SYNE1: variants seen among roughly 807,000 people sequenced by gnomAD.
The protein encoded by SYNE1 is spectrin repeat containing nuclear envelope protein 1.
A neutral mutation model predicts 1,111.0 loss-of-function variants in SYNE1; 616 were observed. The observed-to-expected ratio is 0.55, with a 90% confidence interval of 0.52 to 0.59. The LOEUF (loss-of-function observed/expected upper bound fraction) is 0.59, where lower values mean the gene tolerates loss of function less well. Among genes scored for constraint, SYNE1 ranks in the 20% least tolerant of loss-of-function variants. SYNE1 has a pLI of 0.00. For synonymous variants in SYNE1, 3,855 were observed against 3,825.8 expected, an observed-to-expected ratio of 1.01 and a Z score of -0.28; for missense variants, 10,006 against 10,417.0, an observed-to-expected ratio of 0.96 and a Z score of 1.72.
rs2153953166 is a variant in SYNE1 at position 152,326,117 on chromosome 6, A to G, written c.15294-15T>C. 6.2e-6 allele frequency: 10 copies of G among 1,614,122 alleles called. No individual in the cohort carries two copies. The highest frequency in any genetic ancestry group is 8.5e-6 in the Non-Finnish European group (10 of 1,180,038). On this transcript the variant is annotated splice_polypyrimidine_tract_variant and intron_variant, in intron 79 of 145. Coordinates refer to ENST00000367255, the MANE Select transcript of SYNE1 (RefSeq NM_182961.4). ...GAGCTGTGCATCTTGAAAGAGTCCAACAGAAACTGATAAGTAGCACGAAAT... is the reference window on the plus strand; with the variant it reads ...GAGCTGTGCATCTTGAAAGAGTCCAGCAGAAACTGATAAGTAGCACGAAAT...
chr6:152,582,588 C>T (rs1276010668), intron 3 of SYNE1, among the ~76,000 whole-genome samples: 1 of 151,174 alleles, frequency 6.6e-6, no homozygotes, highest in East Asian at 1.9e-4. Flanking sequence ...ATATATATAA[C>T]TTTATTTTAT....
intron 138 of SYNE1, among the ~76,000 whole-genome samples, chr6:152,141,957 G>C (rs2058629370): frequency 6.6e-6 from 1 of 152,054 alleles, no homozygotes; most frequent in African/African-American, 2.4e-5. Context: ...TGTAGTCTCA[G>C]CTGTTCAGGG....
intron 3 of SYNE1, among the ~76,000 whole-genome samples, chr6:152,568,858 G>A (rs1326778030): frequency 2.0e-5 from 3 of 152,054 alleles, no homozygotes; most frequent in African/African-American, 7.2e-5. Context: ...TCACAAAATG[G>A]TCTTTAAAAC....
intron 43 of SYNE1, 134 bp from the exon 44 acceptor site, chr6:152,409,360 A>G: frequency 9.6e-7 from 1 of 1,037,476 alleles, no homozygotes. Context: ...AATTAACTAT[A>G]TGAATATATA....
At chr6:152,221,137 G>A (rs1178290606) in intron 118 of SYNE1, 91 bp from the exon 119 acceptor site, 5 of 1,321,702 alleles carry the variant, frequency 3.8e-6, no homozygotes, top group Non-Finnish European at 5.4e-6. Context: ...CCTGGTTCAT[G>A]TGAATATAGA....
At position 152,381,316 on chromosome 6, in the gene SYNE1, A is replaced by G. The variant is rs1314263155; in HGVS notation, c.8699T>C (p.Val2900Ala). The G allele has an allele frequency of 1.2e-6, 2 of 1,613,908 alleles. No individual in the cohort carries two copies. Among genetic ancestry groups the G allele is most frequent in the Non-Finnish European group, 1.7e-6 (2 of 1,180,046 alleles). The change falls in exon 56 of 146, where the codon GTG (valine) becomes GCG (alanine). Residue 2900 changes from valine (V) to alanine (A), a missense_variant. Physicochemically the swap from Val to Ala is moderately conservative, Grantham distance 64. Coordinates refer to ENST00000367255, the MANE Select transcript of SYNE1 (RefSeq NM_182961.4). ...REIGASRLSR[V>A]ESLAPEVKQN... ...TTTCACTTCGGGAGCCAGCGACTCCACTCTGCTGAGACGGCTTGCACCAAT... is the reference window on the plus strand; with the variant it reads ...TTTCACTTCGGGAGCCAGCGACTCCGCTCTGCTGAGACGGCTTGCACCAAT...
At chr6:152,471,173 A>G (rs2098803666) in intron 16 of SYNE1, among the ~76,000 whole-genome samples, 1 of 152,202 alleles carries the variant, frequency 6.6e-6, no homozygotes, top group Non-Finnish European at 1.5e-5. Context: ...AAAAAAATAG[A>G]TAGTTCCCAT....
intron 127 of SYNE1, among the ~76,000 whole-genome samples, chr6:152,189,992 A>C (rs1300682425): frequency 6.6e-6 from 1 of 152,186 alleles, no homozygotes; most frequent in Non-Finnish European, 1.5e-5. Flanking sequence ...TCAAAATTTG[A>C]GTCATCCTCT....
At chr6:152,311,809 T>A (rs1012983247) in intron 87 of SYNE1, among the ~76,000 whole-genome samples, 58 of 151,010 alleles carry the variant, frequency 3.8e-4, no homozygotes, top group Admixed American at 1.2e-3. Flanking sequence ...GGAGTCTCGC[T>A]CTTTCGCCCA....
rs929439001 is a variant in SYNE1, at chr6:152,463,374, C to T, written c.2076G>A (p.Glu692=). The T allele has an allele frequency of 1.2e-6, 2 of 1,613,666 alleles. No homozygotes were observed. The highest frequency in any genetic ancestry group is 2.7e-5 in the African/African-American group (2 of 74,898). The change falls in exon 19 of 146, where the codon GAG becomes GAA. Residue 692 remains glutamate, a synonymous_variant. Transcript: ENST00000367255. Reference sequence around the variant, plus strand: ...ATACTTGCTTGACTTCCATAAACAACTCCCTCCACCGCCCATTTAGCAACA... The same window carrying T: ...ATACTTGCTTGACTTCCATAAACAATTCCCTCCACCGCCCATTTAGCAACA... ...QLLLLNGRWR[E]LFMEVKQYAQ...
chr6:152,463,665 T>C (rs918304231), intron 18 of SYNE1, 148 bp from the exon 19 acceptor site: 4 of 781,546 alleles, frequency 5.1e-6, no homozygotes, highest in Non-Finnish European at 8.6e-6. Context: ...ATGCACATTT[T>C]TGATAAAAAG....
At chr6:152,557,572 G>C (rs2099372387) in intron 3 of SYNE1, among the ~76,000 whole-genome samples, 1 of 152,124 alleles carries the variant, frequency 6.6e-6, no homozygotes, top group Non-Finnish European at 1.5e-5. Flanking sequence ...CTAGAGAAAA[G>C]TGATTTGTTA....
intron 3 of SYNE1, among the ~76,000 whole-genome samples, chr6:152,555,081 C>T (rs1344326548): frequency 6.6e-6 from 1 of 152,040 alleles, no homozygotes; most frequent in Non-Finnish European, 1.5e-5. Flanking sequence ...TTTGAAAAAG[C>T]AACATGATGA....
At chr6:152,326,736 C>T (rs1039835091) in intron 78 of SYNE1, 103 bp from the exon 79 acceptor site, 24 of 1,096,782 alleles carry the variant, frequency 2.2e-5, no homozygotes, top group Middle Eastern at 2.5e-4. Flanking sequence ...GTCTCATGGG[C>T]GTATGTGTGT....
At chr6:152,540,123 G>A (rs2099262403) in intron 3 of SYNE1, 102 bp from the exon 4 acceptor site, 4 of 1,185,606 alleles carry the variant, frequency 3.4e-6, no homozygotes, top group South Asian at 2.5e-5. Context: ...TCGTGAAATC[G>A]TTTTCTCATT....
At chr6:152,602,172 C>T (rs1249549477) in intron 3 of SYNE1, among the ~76,000 whole-genome samples, 2 of 152,106 alleles carry the variant, frequency 1.3e-5, no homozygotes, top group Non-Finnish European at 2.9e-5. Flanking sequence ...CCAAATTCAT[C>T]TGTTGAAGTT....
intron 131 of SYNE1, among the ~76,000 whole-genome samples, chr6:152,159,045 A>C (rs1343090320): frequency 6.6e-6 from 1 of 152,060 alleles, no homozygotes; most frequent in Non-Finnish European, 1.5e-5. Context: ...TCCGCCTCCC[A>C]GGTTCAAGCG....
rs774959321 is a variant in SYNE1, at chr6:152,450,634, T to C, written c.3386A>G (p.Tyr1129Cys). ...LMEDPDKWKD[Y>C]TSRFSEFSSW... is the part of the protein sequence containing the mutation. ...GCCATTCTGAGGCTACCTGCTAGTG[T>C]AGTCCTTCCACTTGTCTGGGTCTTC... is the stretch of plus-strand genomic sequence containing the variant. The change falls in exon 27 of 146, where the codon TAC becomes TGC. Residue 1129 changes from tyrosine to cysteine, a missense_variant. Physicochemically the swap from Tyr to Cys is radical, Grantham distance 194. Coordinates refer to ENST00000367255, the MANE Select transcript of SYNE1 (RefSeq NM_182961.4). 6.2e-7 allele frequency: 1 copy of C among 1,614,154 alleles called. No individual in the cohort carries two copies. Among genetic ancestry groups the C allele is most frequent in the Non-Finnish European group, 8.5e-7 (1 of 1,180,010 alleles).
At chr6:152,123,050 T>G (rs534738425) in intron 145 of SYNE1, among the ~76,000 whole-genome samples, 33 of 152,244 alleles carry the variant, frequency 2.2e-4, no homozygotes, top group Non-Finnish European at 4.0e-4. Flanking sequence ...ATGCAGCATA[T>G]TTTTGTTTTA....
Sources: gnomAD v4.1 joint callset for allele counts (sites outside exome capture counted in the v4.1 genomes callset) on GRCh38, gnomAD v4.1.1 for gene constraint, MANE v1.5 for transcripts, NCBI Gene and HGNC (gene_info 2026-07-23, HGNC 2026-07-21) for gene names.